Variants in GRHL2 observed in about 807,000 individuals in gnomAD.
GRHL2 encodes the protein grainyhead-like protein 2 homolog.
GRHL2 carries 21 observed loss-of-function variants against 83.8 expected under a neutral mutation model. The ratio of observed to expected loss-of-function variants is 0.25; its 90% CI spans 0.18 to 0.36. The LOEUF (loss-of-function observed/expected upper bound fraction) is 0.36, where lower values mean the gene tolerates loss of function less well. Ranked by LOEUF, GRHL2 falls within the 10% of genes least tolerant of loss-of-function variation. The pLI is 1.00. For missense variants in GRHL2, 623 were observed against 781.8 expected, an observed-to-expected ratio of 0.80 and a Z score of 2.42; for synonymous variants, 280 against 278.9, an observed-to-expected ratio of 1.00 and a Z score of -0.04.
At chr8:101,673,477 G>T (rs567373062), downstream of GRHL2, among the ~76,000 whole-genome samples, 1 of 147,694 alleles carries the variant, frequency 6.8e-6, no homozygotes, top group South Asian at 2.3e-4. Flanking sequence ...AATGGTAAAG[G>T]GATCAATTCA....
At chr8:101,608,611 A>C (rs1157729968) in intron 8 of GRHL2, among the ~76,000 whole-genome samples, 1 of 146,472 alleles carries the variant, frequency 6.8e-6, no homozygotes, top group Non-Finnish European at 1.5e-5. Flanking sequence ...ATTTTTCTAC[A>C]TTTTATTTTT....
the GRHL2 span, among the ~76,000 whole-genome samples, chr8:101,680,090 G>A: frequency 3.4e-5 from 4 of 118,758 alleles, 1 homozygote; most frequent in African/African-American, 7.1e-5. Context: ...AACCTTAAAT[G>A]TAAATGGGCT....
At chr8:101,560,445 A>G (rs1341294005) in intron 4 of GRHL2, among the ~76,000 whole-genome samples, 2 of 152,190 alleles carry the variant, frequency 1.3e-5, no homozygotes, top group African/African-American at 4.8e-5. Context: ...GCTTTTGGCT[A>G]TTATGAAAAA....
intron 8 of GRHL2, among the ~76,000 whole-genome samples, chr8:101,606,356 C>G (rs979745367): frequency 1.3e-5 from 2 of 152,196 alleles, no homozygotes; most frequent in African/African-American, 2.4e-5. Context: ...GATATTTCCT[C>G]TGGGCCCTAT....
the GRHL2 span, among the ~76,000 whole-genome samples, chr8:101,676,507 T>C: frequency 1.3e-5 from 2 of 152,044 alleles, no homozygotes; most frequent in African/African-American, 4.8e-5. Context: ...AAAACCACAA[T>C]GAGATACCAT....
chr8:101,660,851 A>G (rs1309276103), intron 14 of GRHL2, among the ~76,000 whole-genome samples: 1 of 152,098 alleles, frequency 6.6e-6, no homozygotes, highest in Non-Finnish European at 1.5e-5. Context: ...CCCTCCTCTC[A>G]CTAAAATTAG....
chr8:101,577,807 T>C (rs1811963785), intron 7 of GRHL2, among the ~76,000 whole-genome samples: 1 of 152,256 alleles, frequency 6.6e-6, no homozygotes, highest in South Asian at 2.1e-4. Context: ...CGTGTTTTCA[T>C]GGCCTCCCCG....
chr8:101,599,873 C>T (rs188020218), intron 8 of GRHL2, among the ~76,000 whole-genome samples: 2 of 152,228 alleles, frequency 1.3e-5, no homozygotes, highest in East Asian at 3.9e-4. Context: ...TCTGCTATGC[C>T]CACTCTCCTT....
intron 7 of GRHL2, among the ~76,000 whole-genome samples, chr8:101,585,190 A>G (rs974596626): frequency 6.6e-6 from 1 of 152,118 alleles, no homozygotes; most frequent in Non-Finnish European, 1.5e-5. Flanking sequence ...CCACCATCCC[A>G]CCTAGTTTAG....
At chr8:101,498,253 G>A (rs1159826340) in intron 1 of GRHL2, among the ~76,000 whole-genome samples, 4 of 152,140 alleles carry the variant, frequency 2.6e-5, no homozygotes, top group Non-Finnish European at 5.9e-5. Context: ...CCAGTAGCTG[G>A]GATTACAGGT....
chr8:101,626,884 G>A (rs1304089079), intron 9 of GRHL2, among the ~76,000 whole-genome samples: 1 of 152,032 alleles, frequency 6.6e-6, no homozygotes, highest in South Asian at 2.1e-4. Context: ...TACTTTAATG[G>A]AATGTATCGA....
chr8:101,616,061 C>T (rs1257293923), intron 8 of GRHL2, among the ~76,000 whole-genome samples: 2 of 149,062 alleles, frequency 1.3e-5, no homozygotes, highest in African/African-American at 2.5e-5. Context: ...CTCCCCTCCC[C>T]TCCCCTCCTC....
chr8:101,680,914 C>T, the GRHL2 span, among the ~76,000 whole-genome samples: 12 of 124,430 alleles, frequency 9.6e-5, no homozygotes, highest in East Asian at 7.1e-4. Flanking sequence ...ATCTCTGGGA[C>T]GCATTCAAAG....
At position 101,608,735 on chromosome 8, in the gene GRHL2, T is replaced by TCTCTCA. The variant is rs1326292897; in HGVS notation, c.1098+9585_1098+9586insTCTCAC. Among the ~76,000 whole-genome samples, 152 of 144,770 alleles carry TCTCTCA rather than the reference T, an allele frequency of 1.0e-3. 3 individuals carry two copies. Among genetic ancestry groups the TCTCTCA allele is most frequent in the Admixed American group, 6.9e-3 (101 of 14,634 alleles). The allele number at this position is 144,770 out of a possible 152,430, so 95.0% of individuals were successfully genotyped here. Reference sequence around the variant, plus strand: ...ATTTGCTTTGTCTCTGCTCACTCTCTCACACACACACACACACACACACAC... The same window carrying TCTCTCA: ...ATTTGCTTTGTCTCTGCTCACTCTCTCTCTCACACACACACACACACACACACACAC... On this transcript the variant is annotated intron_variant, in intron 8 of 15. Transcript: ENST00000646743.
intron 1 of GRHL2, among the ~76,000 whole-genome samples, chr8:101,521,364 G>A (rs1466404456): frequency 6.6e-6 from 1 of 152,220 alleles, no homozygotes; most frequent in African/African-American, 2.4e-5. Flanking sequence ...CCACACAAAT[G>A]TGGTGATAAA....
intron 2 of GRHL2, among the ~76,000 whole-genome samples, chr8:101,544,292 G>T (rs932738719): frequency 6.6e-6 from 1 of 152,162 alleles, no homozygotes; most frequent in Non-Finnish European, 1.5e-5. Context: ...GAAGACTTTT[G>T]CAGGAATTTC....
intron 14 of GRHL2, among the ~76,000 whole-genome samples, chr8:101,652,238 T>C (rs986753424): frequency 6.6e-5 from 10 of 152,042 alleles, no homozygotes; most frequent in Admixed American, 3.9e-4. Context: ...GTAATATGCA[T>C]GTGTATAATA....
chr8:101,596,028 G>C (rs113094451), intron 7 of GRHL2, among the ~76,000 whole-genome samples: 3 of 152,176 alleles, frequency 2.0e-5, no homozygotes, highest in Admixed American at 1.3e-4. Flanking sequence ...GCTGAGGCAG[G>C]AGAATCACTT....
At chr8:101,642,917 T>A (rs1813431006) in intron 12 of GRHL2, among the ~76,000 whole-genome samples, 1 of 152,190 alleles carries the variant, frequency 6.6e-6, no homozygotes, top group South Asian at 2.1e-4. Flanking sequence ...AACAGCCTCC[T>A]TTTAAATATA....
Sources: allele counts gnomAD v4.1 joint callset (sites outside exome capture counted in the v4.1 genomes callset), GRCh38; gene constraint gnomAD v4.1.1; transcripts MANE v1.5; gene names NCBI Gene and HGNC (gene_info 2026-07-23, HGNC 2026-07-21).